Variants in CPA6 observed in about 807,000 individuals in gnomAD.
CPA6 encodes carboxypeptidase A6, also known as carboxypeptidase B.
Under a neutral mutation model 63.3 loss-of-function variants are expected in CPA6, and 58 were observed. The ratio of observed to expected loss-of-function variants is 0.92; its 90% CI spans 0.74 to 1.14. The LOEUF (loss-of-function observed/expected upper bound fraction) is 1.14. CPA6 is among the 50% of genes most tolerant of loss of function. The pLI is 0.00. For synonymous variants in CPA6, 185 were observed against 179.0 expected, an observed-to-expected ratio of 1.03 and a Z score of -0.27; for missense variants, 565 against 526.6, an observed-to-expected ratio of 1.07 and a Z score of -0.71.
intron 1 of CPA6, among the ~76,000 whole-genome samples, chr8:67,644,859 G>A (rs1815681525): frequency 6.6e-6 from 1 of 152,148 alleles, no homozygotes; most frequent in African/African-American, 2.4e-5. Context: ...AGGGGAATAA[G>A]GAAACTGATC....
intron 8 of CPA6, among the ~76,000 whole-genome samples, chr8:67,459,529 T>C (rs1347410549): frequency 6.6e-6 from 1 of 152,190 alleles, no homozygotes; most frequent in Non-Finnish European, 1.5e-5. Flanking sequence ...GGTTACCTGC[T>C]GTGGTTCCAA....
intron 8 of CPA6, among the ~76,000 whole-genome samples, chr8:67,465,448 A>G (rs1015508780): frequency 2.6e-5 from 4 of 152,052 alleles, no homozygotes; most frequent in African/African-American, 7.2e-5. Flanking sequence ...TTGTAAAGAG[A>G]GCTAGTTTAA....
chr8:67,467,099 C>G (rs1466949781), intron 8 of CPA6, among the ~76,000 whole-genome samples: 1 of 152,110 alleles, frequency 6.6e-6, no homozygotes, highest in Non-Finnish European at 1.5e-5. Flanking sequence ...ACATTTGGGT[C>G]ACTCTTCTCA....
chr8:67,519,559 G>A (rs989246223), intron 2 of CPA6, among the ~76,000 whole-genome samples: 3 of 152,224 alleles, frequency 2.0e-5, no homozygotes, highest in Non-Finnish European at 4.4e-5. Flanking sequence ...GCCTGGAACA[G>A]GGTAGAGAGG....
intron 8 of CPA6, among the ~76,000 whole-genome samples, chr8:67,441,895 G>A (rs991285499): frequency 2.0e-5 from 3 of 152,056 alleles, no homozygotes; most frequent in Non-Finnish European, 4.4e-5. Flanking sequence ...CAGAGCATGG[G>A]GATGGGTATA....
intron 2 of CPA6, among the ~76,000 whole-genome samples, chr8:67,603,185 C>G (rs943312194): frequency 1.3e-5 from 2 of 152,136 alleles, no homozygotes; most frequent in African/African-American, 4.8e-5. Flanking sequence ...CTATATAGTA[C>G]AAGAATTATA....
intron 2 of CPA6, among the ~76,000 whole-genome samples, chr8:67,605,082 T>TTC (rs2128983895): frequency 6.6e-6 from 1 of 150,434 alleles, no homozygotes; most frequent in East Asian, 2.0e-4. Context: ...CCAGCCACGT[T>TTC]TTTTTTTTTT....
chr8:67,512,134 C>T (rs1267286721), intron 3 of CPA6, among the ~76,000 whole-genome samples: 1 of 152,174 alleles, frequency 6.6e-6, no homozygotes, highest in East Asian at 1.9e-4. Flanking sequence ...TGGTCAGTGC[C>T]AAGCCAGAAT....
chr8:67,650,094 G>A (rs1026770801), intron 1 of CPA6, among the ~76,000 whole-genome samples: 1 of 152,044 alleles, frequency 6.6e-6, no homozygotes, highest in Non-Finnish European at 1.5e-5. Flanking sequence ...GCTGTATGTG[G>A]TTTAGGGCTT....
chr8:67,703,984 G>T (rs1043308793), intron 1 of CPA6, among the ~76,000 whole-genome samples: 1 of 152,078 alleles, frequency 6.6e-6, no homozygotes, highest in Non-Finnish European at 1.5e-5. Flanking sequence ...CACTTTGGGA[G>T]GAAGGGAAAT....
At chr8:67,565,378 T>C (rs1813312800) in intron 2 of CPA6, among the ~76,000 whole-genome samples, 1 of 152,100 alleles carries the variant, frequency 6.6e-6, no homozygotes, top group South Asian at 2.1e-4. Context: ...AAAAACCCCA[T>C]ACAGATCTGG....
chr8:67,716,776 T>A (rs939802034), intron 1 of CPA6, among the ~76,000 whole-genome samples: 5 of 152,238 alleles, frequency 3.3e-5, no homozygotes, highest in African/African-American at 1.2e-4. Flanking sequence ...CCTTTTGGCT[T>A]AGTGATTTTT....
intron 1 of CPA6, among the ~76,000 whole-genome samples, chr8:67,644,153 C>T (rs1815659072): frequency 6.7e-6 from 1 of 150,366 alleles, no homozygotes; most frequent in Non-Finnish European, 1.5e-5. Flanking sequence ...GAGTCTCGCT[C>T]TGTCGCCCAG....
chr8:67,636,049 CT>C (rs1815461452), intron 1 of CPA6, among the ~76,000 whole-genome samples: 2 of 151,714 alleles, frequency 1.3e-5, no homozygotes, highest in South Asian at 4.1e-4. Context: ...CGATTAGCCA[CT>C]CAGAACTTGG....
chr8:67,665,497 G>A (rs1459427520), intron 1 of CPA6, among the ~76,000 whole-genome samples: 1 of 152,144 alleles, frequency 6.6e-6, no homozygotes, highest in Non-Finnish European at 1.5e-5. Flanking sequence ...CTCTGTTGGG[G>A]CATAACTATT....
At chr8:67,551,649 T>C (rs1812941296) in intron 2 of CPA6, among the ~76,000 whole-genome samples, 1 of 152,196 alleles carries the variant, frequency 6.6e-6, no homozygotes, top group Non-Finnish European at 1.5e-5. Context: ...CTTCCGATTC[T>C]TGAGCATGGA....
chr8:67,490,262 A>G (rs1811575476), intron 6 of CPA6, among the ~76,000 whole-genome samples: 1 of 152,220 alleles, frequency 6.6e-6, no homozygotes, highest in Non-Finnish European at 1.5e-5. Flanking sequence ...CATGAAGAAC[A>G]CAGGGGTGTG....
chr8:67,496,822 G>A (rs1253217412), intron 6 of CPA6, among the ~76,000 whole-genome samples: 4 of 151,924 alleles, frequency 2.6e-5, no homozygotes, highest in African/African-American at 9.7e-5. Flanking sequence ...GCCTCCCAAA[G>A]TGCTGGGATT....
At chr8:67,546,939 C>T (rs1262390351) in intron 2 of CPA6, among the ~76,000 whole-genome samples, 1 of 152,244 alleles carries the variant, frequency 6.6e-6, no homozygotes, top group Non-Finnish European at 1.5e-5. Context: ...ATTCTTCTGC[C>T]TCAGCCTTCC....
Sources: allele counts gnomAD v4.1 joint callset (sites outside exome capture counted in the v4.1 genomes callset), GRCh38; gene constraint gnomAD v4.1.1; transcripts MANE v1.5; gene names NCBI Gene and HGNC (gene_info 2026-07-23, HGNC 2026-07-21).